The following ATRNL1 variants were observed in gnomAD, a reference collection of about 807,000 sequenced individuals.
The protein encoded by ATRNL1 is attractin like 1.
Under a neutral mutation model 182.7 loss-of-function variants are expected in ATRNL1, and 95 were observed. The observed-to-expected ratio is 0.52, with a 90% CI of 0.44 to 0.62. The LOEUF (loss-of-function observed/expected upper bound fraction) is 0.62. Ranked by LOEUF, ATRNL1 falls within the 20% of genes least tolerant of loss-of-function variation. The probability of loss-of-function intolerance (pLI) is 0.00; values close to 1 mark genes in which losing one functional copy is unlikely to be tolerated. For synonymous variants in ATRNL1, 576 were observed against 568.3 expected, an observed-to-expected ratio of 1.01 and a Z score of -0.19; for missense variants, 1,471 against 1,679.5, an observed-to-expected ratio of 0.88 and a Z score of 2.17.
In ATRNL1 at chr10:115,127,670, A is replaced by AT; in HGVS notation, c.576dup (p.Ser193Ter). ...ACTACATCTGGCTATGCACTGTTAC[A>AT]TTTTTTTAGTGATGCTGCGTATAAT... On this transcript the variant is annotated frameshift_variant, in exon 4 of 29. Coordinates refer to ENST00000355044, the MANE Select transcript of ATRNL1 (RefSeq NM_207303.4). LOFTEE classifies it high-confidence loss of function. 1 of 1,579,034 alleles carries AT rather than the reference A, an allele frequency of 6.3e-7. No homozygotes were observed.
chr10:115,683,709 C>A (rs1946128991), intron 26 of ATRNL1, among the ~76,000 whole-genome samples: 1 of 151,666 alleles, frequency 6.6e-6, no homozygotes, highest in South Asian at 2.1e-4. Context: ...CTCCAAAACC[C>A]AGAGAGGGCA....
At chr10:115,872,255 C>T (rs1555106303) in intron 28 of ATRNL1, among the ~76,000 whole-genome samples, 1 of 152,190 alleles carries the variant, frequency 6.6e-6, no homozygotes, top group Admixed American at 6.5e-5. Context: ...AATGTATGCA[C>T]AATTTGTGGT....
chr10:115,713,066 T>C (rs1340267318), intron 26 of ATRNL1, among the ~76,000 whole-genome samples: 1 of 152,056 alleles, frequency 6.6e-6, no homozygotes, highest in Admixed American at 6.6e-5. Context: ...TTCAATCTTA[T>C]TTTGCTGTGG....
At chr10:115,869,430 T>G (rs1320836384) in intron 28 of ATRNL1, among the ~76,000 whole-genome samples, 7 of 152,144 alleles carry the variant, frequency 4.6e-5, no homozygotes, top group African/African-American at 1.7e-4. Flanking sequence ...GATATTTGTC[T>G]ACATGTGTGT....
chr10:115,381,721 C>T (rs1554951194), intron 19 of ATRNL1, among the ~76,000 whole-genome samples: 1 of 151,830 alleles, frequency 6.6e-6, no homozygotes, highest in Non-Finnish European at 1.5e-5. Flanking sequence ...CTGATCCAGT[C>T]CAATTTATAT....
chr10:115,523,084 T>G (rs1851030064), intron 25 of ATRNL1, among the ~76,000 whole-genome samples: 1 of 152,092 alleles, frequency 6.6e-6, no homozygotes, highest in Non-Finnish European at 1.5e-5. Context: ...GCCTGGGCAC[T>G]CAGGCTTTTC....
In ATRNL1 at chr10:115,365,524, A is replaced by G. The variant is rs374859978; in HGVS notation, c.3176-29135A>G. Among the ~76,000 whole-genome samples the G allele has an allele frequency of 9.2e-5, 14 of 152,052 alleles. No individual in the cohort carries two copies. The East Asian group carries it at 9.7e-4, about 11-fold the overall frequency. On this transcript the variant is annotated intron_variant, in intron 19 of 28. Transcript: ENST00000355044. Reference sequence around the variant, plus strand: ...GTTTTTTGTGTCTCTATTTCCTTCAATTCTGCTCTGATTTTAGTTATTTCT... The same window carrying G: ...GTTTTTTGTGTCTCTATTTCCTTCAGTTCTGCTCTGATTTTAGTTATTTCT...
intron 28 of ATRNL1, among the ~76,000 whole-genome samples, chr10:115,936,790 C>T (rs1555122969): frequency 1.3e-5 from 2 of 151,904 alleles, no homozygotes; most frequent in African/African-American, 4.8e-5. Flanking sequence ...TAAGGATTGT[C>T]AAGTATCAGA....
At chr10:115,141,653 T>G (rs1205771797) in intron 5 of ATRNL1, among the ~76,000 whole-genome samples, 2 of 152,188 alleles carry the variant, frequency 1.3e-5, no homozygotes, top group Non-Finnish European at 2.9e-5. Flanking sequence ...CACATGAGAT[T>G]ATAGGTTGCC....
chr10:115,624,228 A>G (rs1857951652), intron 26 of ATRNL1, among the ~76,000 whole-genome samples: 2 of 152,084 alleles, frequency 1.3e-5, no homozygotes, highest in Non-Finnish European at 2.9e-5. Context: ...ACTTCAAGTT[A>G]TATTAAGTAC....
intron 26 of ATRNL1, among the ~76,000 whole-genome samples, chr10:115,645,503 T>C (rs1276397141): frequency 1.4e-5 from 2 of 147,664 alleles, no homozygotes; most frequent in East Asian, 3.9e-4. Flanking sequence ...TTTATATATA[T>C]ATAAATATAA....
chr10:115,660,429 A>G (rs1054267286), intron 26 of ATRNL1, among the ~76,000 whole-genome samples: 2 of 152,124 alleles, frequency 1.3e-5, no homozygotes, highest in African/African-American at 2.4e-5. Context: ...TATATAGATA[A>G]GTGGGCTTGA....
chr10:115,399,511 A>G (rs1554956449), intron 20 of ATRNL1, among the ~76,000 whole-genome samples: 1 of 151,910 alleles, frequency 6.6e-6, no homozygotes, highest in Non-Finnish European at 1.5e-5. Context: ...GTCAGTGGTA[A>G]TACCCTTCTT....
At chr10:115,533,583 T>G (rs1335213278) in intron 25 of ATRNL1, among the ~76,000 whole-genome samples, 4 of 152,136 alleles carry the variant, frequency 2.6e-5, no homozygotes, top group Admixed American at 6.5e-5. Context: ...TTTGAAGGGT[T>G]TTTTTGTGTC....
chr10:115,535,881 CCT>C (rs1781478174), intron 25 of ATRNL1, among the ~76,000 whole-genome samples: 1 of 151,852 alleles, frequency 6.6e-6, no homozygotes, highest in South Asian at 2.1e-4. Flanking sequence ...CACTCCAGAC[CCT>C]GTTTGCCTGG....
intron 4 of ATRNL1, 98 bp from the exon 5 acceptor site, chr10:115,129,229 A>G (rs1207060352): frequency 4.9e-6 from 4 of 812,192 alleles, no homozygotes; most frequent in African/African-American, 1.7e-5. Context: ...TTATAAGCAC[A>G]TAGGACACAG....
chr10:115,154,678 A>G (rs1403733242), intron 5 of ATRNL1, among the ~76,000 whole-genome samples: 2 of 152,104 alleles, frequency 1.3e-5, no homozygotes, highest in Non-Finnish European at 2.9e-5. Context: ...CTGTTGATTG[A>G]AATGTTCTGT....
At chr10:115,469,419 T>A in intron 24 of ATRNL1, 90 bp downstream of exon 24, 3 of 826,576 alleles carry the variant, frequency 3.6e-6, no homozygotes, top group Non-Finnish European at 3.6e-6. Flanking sequence ...TATGTACATT[T>A]CCTGACTTGA....
At chr10:115,145,342 G>A (rs1327028362) in intron 5 of ATRNL1, among the ~76,000 whole-genome samples, 2 of 152,036 alleles carry the variant, frequency 1.3e-5, no homozygotes, top group Admixed American at 6.6e-5. Context: ...GCCTTCTGCA[G>A]CCCAAAAAGA....
Sources: gnomAD v4.1 joint callset for allele counts (sites outside exome capture counted in the v4.1 genomes callset) on GRCh38, gnomAD v4.1.1 for gene constraint, MANE v1.5 for transcripts, NCBI Gene and HGNC (gene_info 2026-07-23, HGNC 2026-07-21) for gene names.